DLGAP2: variants seen among roughly 807,000 people sequenced by gnomAD.
DLGAP2 encodes disks large-associated protein 2.
A neutral mutation model predicts 100.3 loss-of-function variants in DLGAP2; 26 were observed. The observed-to-expected ratio is 0.26, with a 90% confidence interval of 0.19 to 0.36. DLGAP2 has a LOEUF of 0.36. Ranked by LOEUF, DLGAP2 falls within the 10% of genes least tolerant of loss-of-function variation. The pLI is 1.00. For synonymous variants in DLGAP2, 886 were observed against 630.1 expected (o/e 1.41, Z -6.08); for missense variants, 1,858 against 1,453.2 (o/e 1.28, Z -4.53).
At chr8:1,233,126 C>G (rs1798572003) in intron 2 of DLGAP2, among the ~76,000 whole-genome samples, 1 of 152,218 alleles carries the variant, frequency 6.6e-6, no homozygotes, top group Admixed American at 6.5e-5. Flanking sequence ...GACACTCCCT[C>G]CATGCTTTTA....
At chr8:1,033,990 ACCC>A (rs1413758033) in intron 2 of DLGAP2, among the ~76,000 whole-genome samples, 1 of 136,968 alleles carries the variant, frequency 7.3e-6, no homozygotes. Context: ...GTGGACTCAC[ACCC>A]TCATCCCGAC....
chr8:1,591,513 C>A (rs7009291), intron 6 of DLGAP2, among the ~76,000 whole-genome samples: 1 of 148,124 alleles, frequency 6.8e-6, no homozygotes, highest in African/African-American at 2.5e-5. Flanking sequence ...GGCTCAGCCT[C>A]CCCTTTCCTG....
rs140701507 is a variant in DLGAP2 at position 1,576,153 on chromosome 8, C to T, written c.1442+10259C>T. Among the ~76,000 whole-genome samples, 329 of 152,194 alleles carry T rather than the reference C, an allele frequency of 2.2e-3. 5 individuals carry two copies. In the East Asian group the frequency reaches 0.051, roughly 24 times the overall value. ...TGTTGTTTCCTGACTTTTTAATGAT[C>T]GCCATTCTAACTGGTGTGCGATGGT... On this transcript the variant is annotated intron_variant, in intron 6 of 14. Transcript: ENST00000637795.
At chr8:1,580,350 G>A (rs1350501559) in intron 6 of DLGAP2, among the ~76,000 whole-genome samples, 1 of 152,192 alleles carries the variant, frequency 6.6e-6, no homozygotes, top group Non-Finnish European at 1.5e-5. Flanking sequence ...GATTTTGCTG[G>A]TGAGTCATCA....
At chr8:1,475,028 C>A (rs1798893720) in intron 3 of DLGAP2, among the ~76,000 whole-genome samples, 1 of 152,208 alleles carries the variant, frequency 6.6e-6, no homozygotes, top group Non-Finnish European at 1.5e-5. Flanking sequence ...AGTGCATACA[C>A]ACCATGGAAT....
At chr8:1,416,539 C>T (rs1473778829) in intron 3 of DLGAP2, among the ~76,000 whole-genome samples, 4 of 152,136 alleles carry the variant, frequency 2.6e-5, no homozygotes, top group African/African-American at 4.8e-5. Context: ...ATGAACCACC[C>T]GAGGCCTGAA....
At position 1,227,165 on chromosome 8, in the gene DLGAP2, T is replaced by G. The variant is rs1421681643; in HGVS notation, c.74-31686T>G. Among the ~76,000 whole-genome samples the G allele has an allele frequency of 1.4e-4, 19 of 138,134 alleles. 3 individuals are homozygous for G. The highest frequency in any genetic ancestry group is 4.6e-4 in the African/African-American group (16 of 34,796). The allele number at this position is 138,134 out of a possible 152,430, so 90.6% of individuals were successfully genotyped here. A position where few individuals can be genotyped will look rare whatever the true frequency, so the allele number is the denominator to read the frequency against. ...AAGGAAACTGTGAGATATATATATA[T>G]ATATATATAGTATAGATATATATTA... On this transcript the variant is annotated intron_variant, in intron 2 of 14. Coordinates refer to ENST00000637795, the MANE Select transcript of DLGAP2 (RefSeq NM_001346810.2).
chr8:1,292,346 G>C (rs1311836415), intron 3 of DLGAP2, among the ~76,000 whole-genome samples: 1 of 152,156 alleles, frequency 6.6e-6, no homozygotes, highest in Admixed American at 6.5e-5. Context: ...TGTGGATCAT[G>C]TCAGAGTCCC....
chr8:868,791 G>A (rs1797544501), intron 1 of DLGAP2, among the ~76,000 whole-genome samples: 1 of 152,160 alleles, frequency 6.6e-6, no homozygotes, highest in Non-Finnish European at 1.5e-5. Flanking sequence ...GTTCATCTGA[G>A]GCCACCGCAC....
rs1053730861 is a variant in DLGAP2, at chr8:1,422,144, G to A, written c.107-79222G>A. On this transcript the variant is annotated intron_variant, in intron 3 of 14. Transcript: ENST00000637795. ...GTGTAGGACAGCTACCCCGTTTCAC[G>A]GACCACATGGCTGAGTCGCGAGGAT... is the stretch of plus-strand genomic sequence containing the variant. Among the ~76,000 whole-genome samples the A allele has an allele frequency of 5.9e-5, 9 of 152,230 alleles. No homozygotes were observed. The South Asian group carries it at 6.2e-4, about 11-fold the overall frequency.
rs548211006 is a variant in DLGAP2 at position 1,538,558 on chromosome 8, G to A, written c.173-10068G>A. ...AGATGAAAGCTGCTCCGTGCAGGGC[G>A]CATTCTGTGCAGGTACAGAACAGAT... On this transcript the variant is annotated intron_variant, in intron 4 of 14. Transcript: ENST00000637795. Among the ~76,000 whole-genome samples, 12 of 152,322 alleles carry A rather than the reference G, an allele frequency of 7.9e-5. No individual in the cohort carries two copies. In the South Asian group the frequency reaches 1.7e-3, roughly 21 times the overall value.
chr8:1,277,750 AC>A (rs1482716981), intron 3 of DLGAP2, among the ~76,000 whole-genome samples: 1 of 151,816 alleles, frequency 6.6e-6, no homozygotes. Context: ...GTCAGGGAGC[AC>A]CCCCACCCTT....
intron 2 of DLGAP2, among the ~76,000 whole-genome samples, chr8:1,209,017 G>A (rs1161713310): frequency 6.6e-6 from 1 of 151,950 alleles, no homozygotes; most frequent in Non-Finnish European, 1.5e-5. Context: ...CAAACAAATG[G>A]TAACACATCT....
chr8:866,635 A>T (rs1363679307), intron 1 of DLGAP2, among the ~76,000 whole-genome samples: 2 of 152,064 alleles, frequency 1.3e-5, no homozygotes, highest in Non-Finnish European at 2.9e-5. Context: ...GGCCATCGGG[A>T]AGCGCTTGCT....
At position 1,315,362 on chromosome 8, in the gene DLGAP2, TGCGA is replaced by T. The variant is rs1411769009; in HGVS notation, c.106+56481_106+56484del. ...CGGCAGCGTTTAAAAATAGAGCCTA[TGCGA>T]GTGCAGCGTCTCTCCAACAGTGGTC... On this transcript the variant is annotated intron_variant, in intron 3 of 14. Transcript: ENST00000637795. Among the ~76,000 whole-genome samples the T allele has an allele frequency of 4.2e-3, 596 of 141,686 alleles. 47 individuals carry two copies. Among genetic ancestry groups the T allele is most frequent in the African/African-American group, 0.016 (574 of 36,810 alleles). The allele number at this position is 141,686 out of a possible 152,430, so 93.0% of individuals were successfully genotyped here. A position where few individuals can be genotyped will look rare whatever the true frequency, so the allele number is the denominator to read the frequency against.
intron 2 of DLGAP2, among the ~76,000 whole-genome samples, chr8:938,233 G>A (rs997763068): frequency 1.3e-5 from 2 of 152,066 alleles, no homozygotes; most frequent in African/African-American, 4.8e-5. Flanking sequence ...TGCCCAGGCT[G>A]GAGTATAATG....
At chr8:1,186,980 C>T (rs917487328) in intron 2 of DLGAP2, among the ~76,000 whole-genome samples, 1 of 152,216 alleles carries the variant, frequency 6.6e-6, no homozygotes, top group Admixed American at 6.5e-5. Flanking sequence ...TTCCATCACA[C>T]CCGTTAATTG....
At chr8:1,321,936 C>G (rs1563082123) in intron 3 of DLGAP2, among the ~76,000 whole-genome samples, 2 of 152,190 alleles carry the variant, frequency 1.3e-5, no homozygotes, top group Non-Finnish European at 2.9e-5. Context: ...TCAGTAAATA[C>G]AGGCATTTAA....
intron 2 of DLGAP2, among the ~76,000 whole-genome samples, chr8:1,026,963 A>T (rs1584989903): frequency 6.6e-6 from 1 of 152,388 alleles, no homozygotes; most frequent in Admixed American, 6.5e-5. Flanking sequence ...ATTTTTAAAT[A>T]TCATTTACAT....
Sources: gnomAD v4.1 joint callset for allele counts (sites outside exome capture counted in the v4.1 genomes callset) on GRCh38, gnomAD v4.1.1 for gene constraint, MANE v1.5 for transcripts, NCBI Gene and HGNC (gene_info 2026-07-23, HGNC 2026-07-21) for gene names.